The following ABCC3 variants were observed in gnomAD, a reference collection of about 807,000 sequenced individuals.
ABCC3 encodes the protein ATP binding cassette subfamily C member 3.
ABCC3 carries 121 observed loss-of-function variants against 165.3 expected under a neutral mutation model. The observed-to-expected ratio is 0.73, with a 90% CI of 0.63 to 0.85. The LOEUF (loss-of-function observed/expected upper bound fraction) is 0.85, where lower values mean the gene tolerates loss of function less well. Ranked by LOEUF, ABCC3 falls within the 40% of genes least tolerant of loss-of-function variation. The probability of loss-of-function intolerance (pLI) is 0.00; values close to 1 mark genes in which losing one functional copy is unlikely to be tolerated. For synonymous variants in ABCC3, 733 were observed against 810.1 expected (o/e 0.90, Z 1.62); for missense variants, 1,869 against 1,964.1 (o/e 0.95, Z 0.92).
At chr17:50,658,359 C>A in intron 5 of ABCC3, 76 bp from the exon 6 acceptor site, 1 of 1,576,436 alleles carries the variant, frequency 6.3e-7, no homozygotes, top group Non-Finnish European at 8.7e-7. Flanking sequence ...AACAAGGGTC[C>A]CCTCCATTTC....
intron 10 of ABCC3, 96 bp from the exon 11 acceptor site, chr17:50,665,056 AT>A: frequency 9.5e-7 from 1 of 1,049,496 alleles, no homozygotes; most frequent in Non-Finnish European, 1.5e-6. Flanking sequence ...CCATCTACAC[AT>A]TTCAAGTTAA....
intron 19 of ABCC3, chr17:50,674,515 T>C (rs1283053669): frequency 6.6e-6 from 1 of 152,200 alleles, no homozygotes; most frequent in Non-Finnish European, 1.5e-5. Flanking sequence ...ACAATCACTA[T>C]ATACAGGCAC....
intron 4 of ABCC3, 26 bp downstream of exon 4, chr17:50,657,209 G>A (rs1464680757): frequency 1.2e-6 from 2 of 1,609,650 alleles, no homozygotes; most frequent in Admixed American, 3.4e-5. Flanking sequence ...AGGGGAACCT[G>A]CCAGGTTTAG....
At chr17:50,676,250 A>T (rs762830621) in intron 22 of ABCC3, 28 bp from the exon 23 acceptor site, 1 of 1,600,354 alleles carries the variant, frequency 6.2e-7, no homozygotes, top group Non-Finnish European at 8.5e-7. Context: ...AGTCCAGGTG[A>T]GCCAGCGCCC....
intron 11 of ABCC3, among the ~76,000 whole-genome samples, chr17:50,666,134 C>T (rs1967522896): frequency 6.6e-6 from 1 of 152,186 alleles, no homozygotes; most frequent in Non-Finnish European, 1.5e-5. Flanking sequence ...TCATCCCCCT[C>T]TTGCCTGCCT....
intron 19 of ABCC3, among the ~76,000 whole-genome samples, chr17:50,674,023 T>C (rs1967741576): frequency 2.7e-5 from 1 of 37,072 alleles, no homozygotes; most frequent in Non-Finnish European, 4.9e-5. Flanking sequence ...TCTCTCTCTC[T>C]CTCTCTCTCT....
Position 50,636,848 on chromosome 17 carries a change from T to C in ABCC3, c.45+1867T>C, listed in dbSNP as rs571130132. ...TGTGGAATCCAAGAAAGTGGGAGCT[T>C]GGGAGTTTGAAGCAGCGAGTCCAAC... On this transcript the variant is annotated intron_variant, in intron 1 of 30. Coordinates refer to ENST00000285238, the MANE Select transcript of ABCC3 (RefSeq NM_003786.4). Among the ~76,000 whole-genome samples the C allele has an allele frequency of 1.2e-4, 19 of 152,264 alleles. 1 individual carries two copies. In the South Asian group the frequency reaches 3.7e-3, roughly 30 times the overall value.
intron 23 of ABCC3, among the ~76,000 whole-genome samples, chr17:50,677,150 G>A (rs1054689059): frequency 2.0e-5 from 3 of 152,212 alleles, no homozygotes; most frequent in Non-Finnish European, 4.4e-5. Flanking sequence ...CCAAAGTGCT[G>A]GGATTACAGG....
intron 30 of ABCC3, among the ~76,000 whole-genome samples, chr17:50,690,006 T>C (rs557458827): frequency 3.9e-5 from 6 of 152,236 alleles, no homozygotes; most frequent in Admixed American, 1.3e-4. Flanking sequence ...AGAAAAAGGC[T>C]ATCCACACAG....
intron 30 of ABCC3, among the ~76,000 whole-genome samples, chr17:50,690,382 C>T (rs956219947): frequency 6.6e-6 from 1 of 152,194 alleles, no homozygotes; most frequent in African/African-American, 2.4e-5. Context: ...GTCACAGACA[C>T]AGTCCTTCCC....
chr17:50,648,081 T>C (rs933815830), intron 1 of ABCC3, among the ~76,000 whole-genome samples: 5 of 152,066 alleles, frequency 3.3e-5, no homozygotes, highest in Admixed American at 2.6e-4. Context: ...TCTGGTTCTA[T>C]AGGGTGGATT....
At chr17:50,648,623 C>T (rs1269437415) in intron 1 of ABCC3, among the ~76,000 whole-genome samples, 2 of 152,198 alleles carry the variant, frequency 1.3e-5, no homozygotes, top group African/African-American at 4.8e-5. Flanking sequence ...TGAAGCCCAA[C>T]AGCCAATAAG....
In ABCC3 at chr17:50,675,392, T is replaced by C; in HGVS notation, c.2630T>C (p.Leu877Pro). 6.2e-7 allele frequency: 1 copy of C among 1,613,990 alleles called. No individual in the cohort carries two copies. Among genetic ancestry groups the C allele is most frequent in the Non-Finnish European group, 8.5e-7 (1 of 1,179,920 alleles). The change falls in exon 20 of 31, where the codon CTG (leucine) becomes CCG (proline). Residue 877 changes from leucine (L) to proline (P), a missense_variant. By Grantham distance (98) the Leu-to-Pro change is moderately conservative (BLOSUM62 -3). Coordinates refer to ENST00000285238, the MANE Select transcript of ABCC3 (RefSeq NM_003786.4). Reference protein sequence around the residue: ...ALEGAEDKEALLIEDTLSNHT... With the variant: ...ALEGAEDKEAPLIEDTLSNHT... ...GAAGGTGCAGAGGATAAGGAGGCAC[T>C]GCTGATTGAAGACACACTCAGCAAC...
At chr17:50,659,061 A>G in intron 6 of ABCC3, 176 bp from the exon 7 acceptor site, 1 of 670,470 alleles carries the variant, frequency 1.5e-6, no homozygotes, top group Non-Finnish European at 2.4e-6. Flanking sequence ...AGGGAGAGCC[A>G]GTGACCTCAA....
At chr17:50,636,278 A>G (rs749708431) in intron 1 of ABCC3, among the ~76,000 whole-genome samples, 3 of 152,128 alleles carry the variant, frequency 2.0e-5, no homozygotes, top group Non-Finnish European at 2.9e-5. Context: ...GTGTGTGCAC[A>G]GGTGTATAAG....
At position 50,691,319 on chromosome 17, in the gene ABCC3, A is replaced by C; in HGVS notation, c.*119A>C. On this transcript the variant is annotated 3_prime_UTR_variant, in exon 31 of 31. Coordinates refer to ENST00000285238, the MANE Select transcript of ABCC3 (RefSeq NM_003786.4). ...CACTGGGGGCACCTTAAGATTTTGCACCTGTAAAGTGCCTTACAGGGTAAC... is the reference window on the plus strand; with the variant it reads ...CACTGGGGGCACCTTAAGATTTTGCCCCTGTAAAGTGCCTTACAGGGTAAC... 1 of 765,378 alleles carries C rather than the reference A, an allele frequency of 1.3e-6. No individual in the cohort carries two copies. Among genetic ancestry groups the C allele is most frequent in the East Asian group, 2.8e-5 (1 of 36,354 alleles). The allele number at this position is 765,378 out of a possible 1,614,324, so 47.4% of individuals were successfully genotyped here.
chr17:50,677,687 C>G, intron 23 of ABCC3, 57 bp from the exon 24 acceptor site: 1 of 1,533,846 alleles, frequency 6.5e-7, no homozygotes, highest in South Asian at 1.2e-5. Context: ...CAGAGACAGG[C>G]AGGACTGAGT....
rs375484876 is a variant in ABCC3, at chr17:50,683,762, C to T, written c.3954+6C>T. 21 of 1,602,782 alleles carry T rather than the reference C, an allele frequency of 1.3e-5. No homozygotes were observed. The African/African-American group carries it at 1.8e-4, about 13-fold the overall frequency. On this transcript the variant is annotated splice_donor_region_variant and intron_variant, in intron 27 of 30. Transcript: ENST00000285238. The stretch of plus-strand genomic sequence containing the variant: ...ATGTGCACGGTGGCGAGAAGGTACG[C>T]GTGGGGTAGGCGGGCCTGCGTGTGT...
At chr17:50,679,239 A>AG in intron 25 of ABCC3, 1 of 152,436 alleles carries the variant, frequency 6.6e-6, no homozygotes, top group Non-Finnish European at 1.5e-5. Context: ...TTAATACCTC[A>AG]GGTGGCTCAA....
Sources: allele counts gnomAD v4.1 joint callset (sites outside exome capture counted in the v4.1 genomes callset), GRCh38; gene constraint gnomAD v4.1.1; transcripts MANE v1.5; gene names NCBI Gene and HGNC (gene_info 2026-07-23, HGNC 2026-07-21).